FSTL5: variants seen among roughly 807,000 people sequenced by gnomAD.
FSTL5 encodes follistatin like 5.
FSTL5 carries 62 observed loss-of-function variants against 89.1 expected under a neutral mutation model. That is an observed-to-expected ratio of 0.70 (90% CI 0.57 to 0.86). The LOEUF (loss-of-function observed/expected upper bound fraction) is 0.86. FSTL5 is among the 40% of genes least tolerant of loss of function. The pLI, the probability that FSTL5 is intolerant of heterozygous loss-of-function variation, is 0.00. For missense variants in FSTL5, 1,057 were observed against 1,001.6 expected (o/e 1.06, Z -0.75); for synonymous variants, 383 against 346.2 (o/e 1.11, Z -1.18).
At chr4:161,794,952 TCTAC>T (rs1317190385) in intron 4 of FSTL5, among the ~76,000 whole-genome samples, 1 of 152,094 alleles carries the variant, frequency 6.6e-6, no homozygotes, top group African/African-American at 2.4e-5. Context: ...TATGTCTGTA[TCTAC>T]CTATCAATCA....
At chr4:161,659,605 CATT>C (rs1187091975) in intron 6 of FSTL5, among the ~76,000 whole-genome samples, 1 of 152,046 alleles carries the variant, frequency 6.6e-6, no homozygotes, top group African/African-American at 2.4e-5. Context: ...GATACATGAT[CATT>C]ATTTCTAGAA....
Position 162,138,991 on chromosome 4 carries a change from A to G in FSTL5, c.-17+24624T>C, listed in dbSNP as rs140854722. 5.4e-3 allele frequency among the ~76,000 whole-genome samples: 824 copies of G among 152,234 alleles called. 4 individuals are homozygous for G. The highest frequency in any genetic ancestry group is 0.019 in the African/African-American group (780 of 41,570). ...ATTTGGAAATAACTCTCTATAATAA[A>G]TTTATCAATATTCCTCAAACTGAGT... On this transcript the variant is annotated intron_variant, in intron 1 of 15. Coordinates refer to ENST00000306100, the MANE Select transcript of FSTL5 (RefSeq NM_020116.5).
chr4:161,705,429 A>AG (rs1338965488), intron 6 of FSTL5, among the ~76,000 whole-genome samples: 1 of 152,160 alleles, frequency 6.6e-6, no homozygotes, highest in African/African-American at 2.4e-5. Context: ...GAAGTCTCTT[A>AG]GGAAATCAGA....
intron 6 of FSTL5, among the ~76,000 whole-genome samples, chr4:161,712,759 A>G (rs1451521941): frequency 6.7e-6 from 1 of 149,804 alleles, no homozygotes; most frequent in Non-Finnish European, 1.5e-5. Flanking sequence ...CGTTGCTTAA[A>G]AGAGCTTGAC....
chr4:161,646,648 C>T (rs1736164877), intron 7 of FSTL5, among the ~76,000 whole-genome samples: 1 of 152,084 alleles, frequency 6.6e-6, no homozygotes, highest in Admixed American at 6.5e-5. Flanking sequence ...AGCTGCCACA[C>T]CTGCAATTGA....
At chr4:161,812,656 A>C (rs958429873) in intron 4 of FSTL5, among the ~76,000 whole-genome samples, 9 of 151,826 alleles carry the variant, frequency 5.9e-5, no homozygotes, top group African/African-American at 2.2e-4. Context: ...GTTGTCACTG[A>C]CTCCTCAGAT....
chr4:161,898,565 T>A (rs1733244542), intron 4 of FSTL5, among the ~76,000 whole-genome samples: 1 of 152,092 alleles, frequency 6.6e-6, no homozygotes, highest in South Asian at 2.1e-4. Context: ...ATTTATATAT[T>A]TGCAATTTCC....
chr4:161,582,711 T>C (rs1390464632), intron 8 of FSTL5, among the ~76,000 whole-genome samples: 1 of 152,206 alleles, frequency 6.6e-6, no homozygotes, highest in Admixed American at 6.5e-5. Flanking sequence ...TCAGAAACTT[T>C]GCAAATAAGG....
chr4:161,568,392 C>T (rs757576596), intron 8 of FSTL5, among the ~76,000 whole-genome samples: 1 of 152,142 alleles, frequency 6.6e-6, no homozygotes, highest in South Asian at 2.1e-4. Context: ...ATAGCTTCAG[C>T]GGGTAACTTA....
At chr4:161,827,172 T>C (rs929268691) in intron 4 of FSTL5, among the ~76,000 whole-genome samples, 2 of 152,158 alleles carry the variant, frequency 1.3e-5, no homozygotes, top group Non-Finnish European at 2.9e-5. Context: ...TTCTCCCCCT[T>C]CCCCTAGGAA....
chr4:161,510,913 G>T (rs1028104017), intron 10 of FSTL5, among the ~76,000 whole-genome samples: 1 of 151,908 alleles, frequency 6.6e-6, no homozygotes, highest in African/African-American at 2.4e-5. Flanking sequence ...CAACAAATTG[G>T]CCTATTTTTA....
intron 8 of FSTL5, among the ~76,000 whole-genome samples, chr4:161,561,127 C>T (rs1732581207): frequency 6.6e-6 from 1 of 151,810 alleles, no homozygotes; most frequent in Non-Finnish European, 1.5e-5. Flanking sequence ...CTTATAAGAC[C>T]ACTATCTTAC....
intron 7 of FSTL5, among the ~76,000 whole-genome samples, chr4:161,639,109 C>T (rs2126665850): frequency 6.6e-6 from 1 of 152,186 alleles, no homozygotes; most frequent in South Asian, 2.1e-4. Context: ...TGCCCTCTCT[C>T]ACCACTTCTA....
intron 12 of FSTL5, among the ~76,000 whole-genome samples, chr4:161,486,114 A>T (rs1322684325): frequency 6.8e-6 from 1 of 147,240 alleles, no homozygotes; most frequent in African/African-American, 2.5e-5. Flanking sequence ...ACTGCAGTAC[A>T]GCCTTGGCGA....
At chr4:162,116,349 C>T (rs919169798) in intron 1 of FSTL5, among the ~76,000 whole-genome samples, 17 of 152,180 alleles carry the variant, frequency 1.1e-4, no homozygotes, top group Non-Finnish European at 1.3e-4. Context: ...CTCATGCGCT[C>T]AGTATCTACA....
intron 7 of FSTL5, among the ~76,000 whole-genome samples, chr4:161,641,161 A>G (rs895286072): frequency 6.6e-6 from 1 of 152,190 alleles, no homozygotes; most frequent in Non-Finnish European, 1.5e-5. Flanking sequence ...GGAGCTCTGC[A>G]GGGTGAAAAA....
At chr4:161,688,416 A>G (rs1414583046) in intron 6 of FSTL5, among the ~76,000 whole-genome samples, 2 of 152,166 alleles carry the variant, frequency 1.3e-5, no homozygotes, top group Non-Finnish European at 2.9e-5. Flanking sequence ...TAACAGCACA[A>G]AATAGATGAA....
chr4:161,722,902 T>C (rs981705179), intron 6 of FSTL5, among the ~76,000 whole-genome samples: 9 of 152,166 alleles, frequency 5.9e-5, no homozygotes, highest in African/African-American at 1.9e-4. Flanking sequence ...TTGAAATATG[T>C]CTTTATTAAA....
At chr4:161,446,140 G>C (rs1400810740) in intron 15 of FSTL5, among the ~76,000 whole-genome samples, 1 of 151,896 alleles carries the variant, frequency 6.6e-6, no homozygotes, top group African/African-American at 2.4e-5. Flanking sequence ...TACAGCCTCT[G>C]ATCATTGTGA....
Sources: allele counts gnomAD v4.1 joint callset (sites outside exome capture counted in the v4.1 genomes callset), GRCh38; gene constraint gnomAD v4.1.1; transcripts MANE v1.5; gene names NCBI Gene and HGNC (gene_info 2026-07-23, HGNC 2026-07-21).